The following TTLL11 variants were observed in gnomAD, a reference collection of about 807,000 sequenced individuals.
TTLL11 encodes the protein tubulin polyglutamylase TTLL11.
Under a neutral mutation model 51.7 loss-of-function variants are expected in TTLL11, and 42 were observed. The ratio of observed to expected loss-of-function variants is 0.81; its 90% confidence interval spans 0.64 to 1.05. The LOEUF is 1.05. Ranked by LOEUF, TTLL11 falls within the 50% of genes least tolerant of loss-of-function variation. The pLI is 0.00. For missense variants in TTLL11, 799 were observed against 940.4 expected, an observed-to-expected ratio of 0.85 and a Z score of 1.97; for synonymous variants, 381 against 383.5, an observed-to-expected ratio of 0.99 and a Z score of 0.08.
At chr9:121,934,191 C>A (rs1841103905) in intron 6 of TTLL11, among the ~76,000 whole-genome samples, 1 of 151,904 alleles carries the variant, frequency 6.6e-6, no homozygotes, top group Admixed American at 6.6e-5. Context: ...CGAGATTGCA[C>A]CATTGAACCC....
intron 8 of TTLL11, among the ~76,000 whole-genome samples, chr9:121,828,444 G>T (rs926530804): frequency 6.6e-6 from 1 of 152,110 alleles, no homozygotes; most frequent in Non-Finnish European, 1.5e-5. Context: ...CAAAGTGCTG[G>T]TATTACAGGC....
chr9:121,829,234 G>A (rs913856063), intron 8 of TTLL11, among the ~76,000 whole-genome samples: 1 of 151,954 alleles, frequency 6.6e-6, no homozygotes, highest in Non-Finnish European at 1.5e-5. Flanking sequence ...GATTACAAGC[G>A]TGAGCCACCG....
At chr9:121,941,588 G>A (rs35370600) in intron 6 of TTLL11, among the ~76,000 whole-genome samples, 44,491 of 152,002 alleles carry the variant, frequency 0.29, 6,918 homozygotes, top group African/African-American at 0.4. Context: ...TAGCTCATCA[G>A]ATCCCACTGA....
intron 7 of TTLL11, among the ~76,000 whole-genome samples, chr9:121,866,140 G>A (rs1838167861): frequency 6.6e-6 from 1 of 152,208 alleles, no homozygotes; most frequent in Non-Finnish European, 1.5e-5. Flanking sequence ...AAGTGCTCCT[G>A]AGAAGGGCAC....
intron 8 of TTLL11, among the ~76,000 whole-genome samples, chr9:121,826,184 C>CTATATATA (rs1166211047): frequency 0.048 from 2,418 of 50,850 alleles, 173 homozygotes; most frequent in Admixed American, 0.06. Context: ...AACCAGTAAC[C>CTATATATA]TATATATATA....
At chr9:122,011,177 T>C (rs1432688403) in intron 3 of TTLL11, among the ~76,000 whole-genome samples, 6 of 152,236 alleles carry the variant, frequency 3.9e-5, no homozygotes, top group Admixed American at 6.5e-5. Context: ...CCTGCCACCA[T>C]GTAAGATGTA....
chr9:121,989,146 T>C lies in TTLL11; in HGVS notation c.1269+49A>G, dbSNP rs751684815. Reference sequence around the variant, plus strand: ...CCTACACGAAGCCAGAGAGCCCTCTTGAGGCCGGTCAAGGCTGGAAACGCA... The same window carrying C: ...CCTACACGAAGCCAGAGAGCCCTCTCGAGGCCGGTCAAGGCTGGAAACGCA... On this transcript the variant is annotated intron_variant, in intron 4 of 8. Coordinates refer to ENST00000321582, the MANE Select transcript of TTLL11 (RefSeq NM_001139442.2). The surrounding 1 kb of genome is among the most constrained non-coding windows in gnomAD (Gnocchi z 4.2). 1 of 1,597,768 alleles carries C rather than the reference T, an allele frequency of 6.3e-7. No homozygotes were observed. Among genetic ancestry groups the C allele is most frequent in the African/African-American group, 1.3e-5 (1 of 74,700 alleles).
intron 1 of TTLL11, among the ~76,000 whole-genome samples, chr9:122,045,946 G>C (rs1226229163): frequency 1.3e-5 from 2 of 152,208 alleles, no homozygotes; most frequent in Non-Finnish European, 2.9e-5. Flanking sequence ...AGTTTGGGAA[G>C]ATAAGAAAGT....
chr9:122,074,128 G>T (rs1417966546), intron 1 of TTLL11, among the ~76,000 whole-genome samples: 1 of 152,094 alleles, frequency 6.6e-6, no homozygotes, highest in Non-Finnish European at 1.5e-5. Context: ...CAAAAAATTA[G>T]CCAGGTGTGG....
intron 4 of TTLL11, among the ~76,000 whole-genome samples, chr9:121,983,681 G>A (rs972034906): frequency 2.0e-5 from 3 of 152,158 alleles, no homozygotes; most frequent in African/African-American, 7.2e-5. Flanking sequence ...AGCCTTCCCT[G>A]ACAGGGTTAG....
At position 121,989,496 on chromosome 9, in the gene TTLL11, C is replaced by A; in HGVS notation, c.968G>T (p.Cys323Phe). Residue 323 changes from cysteine to phenylalanine, a missense_variant, in exon 4 of 9, where the codon TGT becomes TTT. Physicochemically the swap from Cys to Phe is radical, Grantham distance 205. This residue lies in a region of TTLL11 where 468 missense variants were observed against 612.8 expected (regional missense o/e 0.76). Coordinates refer to ENST00000321582, the MANE Select transcript of TTLL11 (RefSeq NM_001139442.2). The surrounding 1 kb of genome is among the most constrained non-coding windows in gnomAD (Gnocchi z 4.2). ...YIAKDGLSRF[C>F]TEPYQEPTPK... Reference sequence around the variant, plus strand: ...GGTGGGCTCCTGATATGGCTCGGTACAAAACCTAGAGAGTCCGTCTTTGGC... The same window carrying A: ...GGTGGGCTCCTGATATGGCTCGGTAAAAAACCTAGAGAGTCCGTCTTTGGC... 1 of 1,614,086 alleles carries A rather than the reference C, an allele frequency of 6.2e-7. No individual in the cohort carries two copies. The highest frequency in any genetic ancestry group is 1.1e-5 in the South Asian group (1 of 91,076).
At chr9:121,968,160 G>A (rs1437054534) in intron 6 of TTLL11, among the ~76,000 whole-genome samples, 1 of 152,150 alleles carries the variant, frequency 6.6e-6, no homozygotes, top group Non-Finnish European at 1.5e-5. Context: ...TTTATATAAC[G>A]TTTCCAGAAT....
At chr9:121,892,726 G>C (rs544217594) in intron 6 of TTLL11, among the ~76,000 whole-genome samples, 1 of 152,160 alleles carries the variant, frequency 6.6e-6, no homozygotes, top group East Asian at 1.9e-4. Context: ...GCAATGTCCC[G>C]CCACATTCTC....
At chr9:121,987,549 C>T (rs888487940) in intron 4 of TTLL11, among the ~76,000 whole-genome samples, 9 of 152,172 alleles carry the variant, frequency 5.9e-5, no homozygotes, top group Non-Finnish European at 1.3e-4. Flanking sequence ...CTGGCCCTGG[C>T]TCCATCGCTC....
At chr9:121,874,417 C>T (rs2131404271) in intron 6 of TTLL11, among the ~76,000 whole-genome samples, 1 of 152,256 alleles carries the variant, frequency 6.6e-6, no homozygotes, top group Middle Eastern at 3.4e-3. Flanking sequence ...AAGTCATGCT[C>T]TTTGTAGACA....
At chr9:122,000,959 C>A (rs1159773768) in intron 3 of TTLL11, among the ~76,000 whole-genome samples, 1 of 152,158 alleles carries the variant, frequency 6.6e-6, no homozygotes, top group Non-Finnish European at 1.5e-5. Flanking sequence ...CTATAAGGTG[C>A]CTTACAATAG....
At chr9:121,866,336 T>C (rs1838173764) in intron 7 of TTLL11, among the ~76,000 whole-genome samples, 1 of 152,120 alleles carries the variant, frequency 6.6e-6, no homozygotes, top group African/African-American at 2.4e-5. Context: ...TATGATTAGG[T>C]TGCTGTTAGG....
intron 1 of TTLL11, among the ~76,000 whole-genome samples, chr9:122,088,311 C>T (rs956188469): frequency 5.9e-5 from 9 of 152,160 alleles, no homozygotes; most frequent in Admixed American, 2.0e-4. Flanking sequence ...ACCTCCCAGA[C>T]CAAACTGTAA....
intron 8 of TTLL11, among the ~76,000 whole-genome samples, chr9:121,856,274 T>G (rs1163564760): frequency 6.6e-6 from 1 of 152,202 alleles, no homozygotes; most frequent in Non-Finnish European, 1.5e-5. Flanking sequence ...GGTCTTGCTA[T>G]GTTGCCCAGG....
Sources: allele counts gnomAD v4.1 joint callset (sites outside exome capture counted in the v4.1 genomes callset), GRCh38; gene constraint gnomAD v4.1.1; regional missense constraint gnomAD v4.1.1; non-coding constraint Gnocchi (gnomAD v3.1); transcripts MANE v1.5; gene names NCBI Gene and HGNC (gene_info 2026-07-23, HGNC 2026-07-21).